Variants in CACNA2D3 observed in about 807,000 individuals in gnomAD.
CACNA2D3 encodes the protein calcium voltage-gated channel auxiliary subunit alpha2delta 3, also known as voltage-dependent calcium channel subunit alpha-2/delta-3.
Under a neutral mutation model 160.6 loss-of-function variants are expected in CACNA2D3, and 60 were observed. The observed-to-expected ratio is 0.37, with a 90% CI of 0.30 to 0.46. CACNA2D3 has a LOEUF of 0.46. Ranked by LOEUF, CACNA2D3 falls within the 20% of genes least tolerant of loss-of-function variation. The probability of loss-of-function intolerance (pLI) is 1.00; values close to 1 mark genes in which losing one functional copy is unlikely to be tolerated. For missense variants in CACNA2D3, 1,205 were observed against 1,365.0 expected (o/e 0.88, Z 1.85); for synonymous variants, 558 against 492.9 (o/e 1.13, Z -1.75).
intron 28 of CACNA2D3, among the ~76,000 whole-genome samples, chr3:54,969,464 T>C (rs1702224614): frequency 6.6e-6 from 1 of 152,132 alleles, no homozygotes; most frequent in East Asian, 1.9e-4. Flanking sequence ...TTTCGCCATG[T>C]GGCCAGGCTG....
chr3:54,646,346 C>G (rs941894484), intron 11 of CACNA2D3, among the ~76,000 whole-genome samples: 1 of 151,674 alleles, frequency 6.6e-6, no homozygotes, highest in African/African-American at 2.4e-5. Context: ...CTGCACAGAT[C>G]ATTCTGTTAC....
At chr3:54,988,763 T>C (rs1376543310) in intron 31 of CACNA2D3, among the ~76,000 whole-genome samples, 1 of 151,920 alleles carries the variant, frequency 6.6e-6, no homozygotes, top group Non-Finnish European at 1.5e-5. Context: ...AATTCAAAAA[T>C]GATGACCCAG....
chr3:55,014,412 T>C (rs570021115), intron 34 of CACNA2D3, among the ~76,000 whole-genome samples: 1 of 152,276 alleles, frequency 6.6e-6, no homozygotes, highest in South Asian at 2.1e-4. Context: ...AAGATGTGAG[T>C]TCTGAATGCC....
intron 11 of CACNA2D3, among the ~76,000 whole-genome samples, chr3:54,748,924 C>T (rs1471428087): frequency 6.6e-6 from 1 of 152,196 alleles, no homozygotes; most frequent in African/African-American, 2.4e-5. Context: ...CTGTTGTTCA[C>T]AGAGGTTTTG....
At chr3:54,268,675 T>C (rs750787633) in intron 2 of CACNA2D3, among the ~76,000 whole-genome samples, 6 of 152,110 alleles carry the variant, frequency 3.9e-5, no homozygotes, top group Non-Finnish European at 7.4e-5. Flanking sequence ...TCCCAAAGTG[T>C]TGGGATTACA....
intron 4 of CACNA2D3, among the ~76,000 whole-genome samples, chr3:54,502,935 G>A (rs565339569): frequency 6.6e-5 from 10 of 152,146 alleles, no homozygotes; most frequent in African/African-American, 9.6e-5. Flanking sequence ...GTTCTTTCTC[G>A]GATGTTTCCC....
intron 2 of CACNA2D3, among the ~76,000 whole-genome samples, chr3:54,276,724 G>A (rs1351585596): frequency 6.6e-6 from 1 of 152,068 alleles, no homozygotes; most frequent in African/African-American, 2.4e-5. Flanking sequence ...GGCTGGTATG[G>A]GAGAGAGGAT....
intron 9 of CACNA2D3, among the ~76,000 whole-genome samples, chr3:54,583,100 G>A (rs374838720): frequency 7.2e-5 from 11 of 152,250 alleles, no homozygotes; most frequent in African/African-American, 2.2e-4. Flanking sequence ...AGACTTTCCC[G>A]TTGTTTGGCC....
chr3:54,748,836 G>C (rs1481730463), intron 11 of CACNA2D3, among the ~76,000 whole-genome samples: 5 of 152,118 alleles, frequency 3.3e-5, no homozygotes, highest in Admixed American at 1.3e-4. Context: ...TGCTTCCTAG[G>C]GAAGAAACTC....
chr3:54,492,360 A>G (rs896915910), intron 4 of CACNA2D3, among the ~76,000 whole-genome samples: 1 of 152,180 alleles, frequency 6.6e-6, no homozygotes, highest in Admixed American at 6.5e-5. Context: ...CATCTTTACC[A>G]TACTACTCTG....
intron 4 of CACNA2D3, among the ~76,000 whole-genome samples, chr3:54,406,053 G>C (rs1489537674): frequency 2.0e-5 from 3 of 152,108 alleles, no homozygotes; most frequent in African/African-American, 2.4e-5. Context: ...GACAAGTGTT[G>C]GTGAGGCTGT....
chr3:54,562,015 C>A (rs1702333331), intron 5 of CACNA2D3, among the ~76,000 whole-genome samples: 1 of 152,138 alleles, frequency 6.6e-6, no homozygotes, highest in African/African-American at 2.4e-5. Flanking sequence ...ATCATAAGAA[C>A]AGCACAGGAA....
intron 18 of CACNA2D3, among the ~76,000 whole-genome samples, chr3:54,877,574 G>A (rs1559613598): frequency 6.6e-6 from 1 of 152,166 alleles, no homozygotes; most frequent in Non-Finnish European, 1.5e-5. Context: ...TGGCTCCAGA[G>A]TCCATTCCTT....
At chr3:54,986,931 G>A (rs1014171858) in intron 30 of CACNA2D3, among the ~76,000 whole-genome samples, 4 of 152,218 alleles carry the variant, frequency 2.6e-5, no homozygotes, top group Non-Finnish European at 5.9e-5. Flanking sequence ...GGGCATGCAT[G>A]AGGATGTTAA....
At chr3:54,873,615 G>A (rs927729701) in intron 18 of CACNA2D3, among the ~76,000 whole-genome samples, 7 of 152,092 alleles carry the variant, frequency 4.6e-5, no homozygotes, top group Non-Finnish European at 7.4e-5. Context: ...GCAGCCTCAC[G>A]TGTGTGTTCT....
chr3:54,672,385 C>T (rs1700177081), intron 11 of CACNA2D3, among the ~76,000 whole-genome samples: 1 of 152,208 alleles, frequency 6.6e-6, no homozygotes. Context: ...CCCAGCCCTT[C>T]AGTGCCATAT....
intron 5 of CACNA2D3, among the ~76,000 whole-genome samples, chr3:54,514,090 T>C (rs1421901990): frequency 1.3e-5 from 2 of 152,256 alleles, no homozygotes; most frequent in Non-Finnish European, 2.9e-5. Context: ...AAACTAGTCT[T>C]ATTTTACATA....
chr3:54,736,010 T>A (rs1444389500), intron 11 of CACNA2D3, among the ~76,000 whole-genome samples: 2 of 93,234 alleles, frequency 2.1e-5, no homozygotes, highest in South Asian at 2.8e-4. Context: ...TATATATGTA[T>A]ATATATACAC....
chr3:54,166,557 A>T (rs1274851128), intron 2 of CACNA2D3, among the ~76,000 whole-genome samples: 1 of 152,160 alleles, frequency 6.6e-6, no homozygotes, highest in Non-Finnish European at 1.5e-5. Context: ...ATTTAATTAA[A>T]TTATTTAAAT....
Sources: allele counts gnomAD v4.1 joint callset (sites outside exome capture counted in the v4.1 genomes callset), GRCh38; gene constraint gnomAD v4.1.1; transcripts MANE v1.5; gene names NCBI Gene and HGNC (gene_info 2026-07-23, HGNC 2026-07-21).